EDNRB: variants seen among roughly 807,000 people sequenced by gnomAD.
The protein encoded by EDNRB is endothelin receptor type B, also known as Hirschsprung disease 2.
A neutral mutation model predicts 46.4 loss-of-function variants in EDNRB; 18 were observed. The ratio of observed to expected loss-of-function variants is 0.39; its 90% confidence interval spans 0.27 to 0.57. The LOEUF (loss-of-function observed/expected upper bound fraction) is 0.57. Ranked by LOEUF, EDNRB falls within the 20% of genes least tolerant of loss-of-function variation. EDNRB has a pLI of 0.61. For synonymous variants in EDNRB, 213 were observed against 204.9 expected, an observed-to-expected ratio of 1.04 and a Z score of -0.34; for missense variants, 434 against 537.5, an observed-to-expected ratio of 0.81 and a Z score of 1.90.
At chr13:77,962,288 G>A (rs1881444779) in intron 1 of EDNRB, among the ~76,000 whole-genome samples, 1 of 152,122 alleles carries the variant, frequency 6.6e-6, no homozygotes, top group Non-Finnish European at 1.5e-5. Context: ...TATAAGGCCA[G>A]CATCATCCTG....
intron 1 of EDNRB, among the ~76,000 whole-genome samples, chr13:77,905,365 T>TA (rs1879223121): frequency 6.6e-6 from 1 of 151,982 alleles, no homozygotes; most frequent in African/African-American, 2.4e-5. Context: ...TATATATTTT[T>TA]AAAAAACTCT....
At chr13:77,902,787 C>T (rs1657892987) in intron 3 of EDNRB, among the ~76,000 whole-genome samples, 1 of 151,992 alleles carries the variant, frequency 6.6e-6, no homozygotes, top group Admixed American at 6.6e-5. Flanking sequence ...GAGACACAAC[C>T]TTCTATAGAA....
At chr13:77,902,211 A>G (rs997406594) in intron 3 of EDNRB, among the ~76,000 whole-genome samples, 1 of 151,924 alleles carries the variant, frequency 6.6e-6, no homozygotes. Context: ...TTCTATCTGA[A>G]TATTTGCTGG....
At chr13:77,973,433 G>T (rs969142375) in intron 1 of EDNRB, among the ~76,000 whole-genome samples, 1 of 151,916 alleles carries the variant, frequency 6.6e-6, no homozygotes, top group South Asian at 2.1e-4. Flanking sequence ...TAAAGAGCAG[G>T]TTGGTACTTC....
At chr13:77,946,506 T>G (rs534109093) in intron 1 of EDNRB, among the ~76,000 whole-genome samples, 29 of 152,328 alleles carry the variant, frequency 1.9e-4, no homozygotes, top group African/African-American at 6.5e-4. Flanking sequence ...ACTACCCAGT[T>G]GTTTTTCGTT....
chr13:77,897,484 T>C lies in EDNRB; in HGVS notation c.*716A>G. ...AATAATTTTCTTTTTAAAAGTATTA[T>C]ATTTTAAATTCAGCTGGCACATGTG... On this transcript the variant is annotated 3_prime_UTR_variant, in exon 7 of 7. Coordinates refer to ENST00000646607, the MANE Select transcript of EDNRB (RefSeq NM_001122659.3). The C allele has an allele frequency of 1.0e-6, 1 of 978,932 alleles. No individual in the cohort carries two copies. Among genetic ancestry groups the C allele is most frequent in the African/African-American group, 1.7e-5 (1 of 57,202 alleles). The allele number at this position is 978,932 out of a possible 1,614,324, so 60.6% of individuals were successfully genotyped here. A position where few individuals can be genotyped will look rare whatever the true frequency, so the allele number is the denominator to read the frequency against.
rs754498240 is a variant in EDNRB, at chr13:77,898,245, G to A, written c.1284C>T (p.His428=). 1.9e-5 allele frequency: 30 copies of A among 1,611,874 alleles called. No homozygotes were observed. The highest frequency in any genetic ancestry group is 1.1e-4 in the African/African-American group (8 of 74,782). ...TACTGGAACGGAAGTTGTCATATCCGTGATCATTAGCTTTGAACTTTAAGC... is the reference window on the plus strand; with the variant it reads ...TACTGGAACGGAAGTTGTCATATCCATGATCATTAGCTTTGAACTTTAAGC... ...QSCLKFKAND[H]GYDNFRSSNK... is the part of the protein sequence containing the mutation. The change falls in exon 7 of 7, where the codon CAC becomes CAT. Residue 428 remains histidine (H), a synonymous_variant. Transcript: ENST00000646607.
At chr13:77,967,421 TTG>T (rs1460780369) in intron 1 of EDNRB, among the ~76,000 whole-genome samples, 1 of 152,188 alleles carries the variant, frequency 6.6e-6, no homozygotes, top group Non-Finnish European at 1.5e-5. Flanking sequence ...GAAGAAGTAT[TTG>T]TCTTATAATA....
At chr13:77,961,180 G>A (rs1037827896) in intron 1 of EDNRB, among the ~76,000 whole-genome samples, 1 of 152,060 alleles carries the variant, frequency 6.6e-6, no homozygotes, top group Non-Finnish European at 1.5e-5. Flanking sequence ...ACTCAGCTCT[G>A]CACCAAGCAG....
intron 2 of EDNRB, 59 bp from the exon 3 acceptor site, chr13:77,903,419 AC>A: frequency 6.2e-7 from 1 of 1,610,604 alleles, no homozygotes; most frequent in Non-Finnish European, 8.5e-7. Flanking sequence ...ATTGAATTGC[AC>A]AGTTTATTTT....
intron 1 of EDNRB, among the ~76,000 whole-genome samples, chr13:77,950,616 G>T (rs563367476): frequency 1.3e-5 from 2 of 152,284 alleles, no homozygotes; most frequent in African/African-American, 4.8e-5. Flanking sequence ...CACACCTGCT[G>T]CAGGGTTTTA....
At position 77,897,973 on chromosome 13, in the gene EDNRB, G is replaced by A. The variant is rs1878720081; in HGVS notation, c.*227C>T. 1 of 1,316,676 alleles carries A rather than the reference G, an allele frequency of 7.6e-7. No homozygotes were observed. The highest frequency in any genetic ancestry group is 1.6e-5 in the South Asian group (1 of 61,442). 81.6% of individuals were successfully genotyped at this position (1,316,676 alleles called of 1,614,324 possible). On this transcript the variant is annotated 3_prime_UTR_variant, in exon 7 of 7. Coordinates refer to ENST00000646607, the MANE Select transcript of EDNRB (RefSeq NM_001122659.3). ...AAGTGCTAACTGTAAAAAATTAAGT[G>A]CTTTCACGACGAGGCTTTCTTAATT...
At chr13:77,906,154 T>G (rs942611) in intron 1 of EDNRB, among the ~76,000 whole-genome samples, 82,042 of 151,544 alleles carry the variant, frequency 0.54, 22,980 homozygotes, top group Non-Finnish European at 0.62. Flanking sequence ...CACATGATGT[T>G]GGAAGTCAGG....
chr13:77,912,082 G>A (rs1879596579), intron 1 of EDNRB, among the ~76,000 whole-genome samples: 1 of 152,090 alleles, frequency 6.6e-6, no homozygotes, highest in Non-Finnish European at 1.5e-5. Flanking sequence ...TGAAGAACAT[G>A]GCTCCCTGGC....
intron 1 of EDNRB, among the ~76,000 whole-genome samples, chr13:77,950,360 T>A (rs908175586): frequency 2.0e-5 from 3 of 152,184 alleles, no homozygotes; most frequent in Non-Finnish European, 4.4e-5. Context: ...CTGGGCTGAG[T>A]TCCTCAGGGA....
At chr13:77,919,300 T>C, upstream of EDNRB, 2 of 1,322,412 alleles carry the variant, frequency 1.5e-6, no homozygotes, top group Non-Finnish European at 2.1e-6. Flanking sequence ...AGGCTTAATT[T>C]TTATTTTTTT....
At chr13:77,915,370 T>C (rs1594371007) in intron 1 of EDNRB, among the ~76,000 whole-genome samples, 1 of 152,328 alleles carries the variant, frequency 6.6e-6, no homozygotes, top group East Asian at 1.9e-4. Context: ...GCATATTATT[T>C]GCCATAATTC....
At chr13:77,919,510 T>G (rs1225121695), upstream of EDNRB, 7 of 1,612,710 alleles carry the variant, frequency 4.3e-6, no homozygotes, top group African/African-American at 1.3e-5. Flanking sequence ...TCCCTTGAGC[T>G]GCAGGCGGGT....
At chr13:77,963,063 G>A (rs1469237307) in intron 1 of EDNRB, among the ~76,000 whole-genome samples, 2 of 152,196 alleles carry the variant, frequency 1.3e-5, no homozygotes, top group South Asian at 2.1e-4. Flanking sequence ...CAACTTACAA[G>A]GGATGTGAAG....
Sources: gnomAD v4.1 joint callset for allele counts (sites outside exome capture counted in the v4.1 genomes callset) on GRCh38, gnomAD v4.1.1 for gene constraint, MANE v1.5 for transcripts, NCBI Gene and HGNC (gene_info 2026-07-23, HGNC 2026-07-21) for gene names.